Variants in CAPN3 observed in about 807,000 individuals in gnomAD.
The protein encoded by CAPN3 is calpain-3.
CAPN3 carries 88 observed loss-of-function variants against 114.0 expected under a neutral mutation model. That is an observed-to-expected ratio of 0.77 (90% confidence interval 0.65 to 0.92). CAPN3 has a LOEUF of 0.92. Among genes scored for constraint, CAPN3 ranks in the 40% least tolerant of loss-of-function variants. The pLI is 0.00. For synonymous variants in CAPN3, 386 were observed against 382.9 expected, an observed-to-expected ratio of 1.01 and a Z score of -0.09; for missense variants, 1,028 against 1,069.0, an observed-to-expected ratio of 0.96 and a Z score of 0.53.
At position 42,390,018 on chromosome 15, in the gene CAPN3, G is replaced by T. The variant is rs1201527622; in HGVS notation, c.867G>T (p.Arg289=). The T allele has an allele frequency of 1.2e-6, 2 of 1,614,134 alleles. No individual in the cohort carries two copies. The highest frequency in any genetic ancestry group is 1.3e-5 in the African/African-American group (1 of 75,018). Residue 289 remains arginine, a synonymous_variant, in exon 6 of 24, where the codon CGG becomes CGT. Coordinates refer to ENST00000397163, the MANE Select transcript of CAPN3 (RefSeq NM_000070.3). ...TGAACATGGGGGAGTTGATTGCACG[G>T]ATGGTAAGGAATATGGATAACTCAC... ...SGLNMGELIA[R]MVRNMDNSLL...
intron 15 of CAPN3, among the ~76,000 whole-genome samples, chr15:42,406,816 A>G (rs570610069): frequency 1.3e-5 from 2 of 151,786 alleles, no homozygotes; most frequent in East Asian, 1.9e-4. Context: ...TCAGACTGTG[A>G]CCTCCATTTG....
chr15:42,391,429 C>T (rs2053553533), intron 6 of CAPN3, among the ~76,000 whole-genome samples: 2 of 152,096 alleles, frequency 1.3e-5, no homozygotes, highest in African/African-American at 4.8e-5. Context: ...TAATGAGTCT[C>T]CCGCCCCCTC....
intron 3 of CAPN3, 75 bp from the exon 4 acceptor site, chr15:42,387,678 G>A: frequency 1.3e-6 from 2 of 1,563,490 alleles, no homozygotes; most frequent in Non-Finnish European, 8.8e-7. Flanking sequence ...AGAACCCCCT[G>A]AGGAATGTGG....
At chr15:42,407,854 C>G (rs1360305560) in intron 15 of CAPN3, among the ~76,000 whole-genome samples, 1 of 151,924 alleles carries the variant, frequency 6.6e-6, no homozygotes, top group Non-Finnish European at 1.5e-5. Flanking sequence ...TTATATACAC[C>G]ATGTTTCTGC....
intron 16 of CAPN3, 25 bp from the exon 17 acceptor site, chr15:42,409,278 C>T (rs1469993305): frequency 1.2e-6 from 2 of 1,612,564 alleles, no homozygotes; most frequent in Non-Finnish European, 1.7e-6. Flanking sequence ...CCCCTGTGAA[C>T]CAGTTTTCCT....
chr15:42,400,891 T>C (rs1210397361), intron 10 of CAPN3, among the ~76,000 whole-genome samples: 2 of 151,740 alleles, frequency 1.3e-5, no homozygotes, highest in Non-Finnish European at 2.9e-5. Flanking sequence ...AAAAAATATT[T>C]GAGGAATAAA....
In CAPN3 at chr15:42,388,834, A is replaced by T. The variant is rs565032615; in HGVS notation, c.633-94A>T. 237 of 974,832 alleles carry T rather than the reference A, an allele frequency of 2.4e-4. 1 individual carries two copies. The African/African-American group carries it at 3.2e-3, about 13-fold the overall frequency. 60.4% of individuals were successfully genotyped at this position (974,832 alleles called of 1,614,324 possible). ...TGTGGAATTGATGAAAGAACATCAC[A>T]GCATCCAAGAGGTAAAGTTCTGGTG... On this transcript the variant is annotated intron_variant, in intron 4 of 23. Transcript: ENST00000397163.
Position 42,392,733 on chromosome 15 carries a change from T to TGG in CAPN3, c.1029+14_1029+15dup, listed in dbSNP as rs1300703346. On this transcript the variant is annotated intron_variant, in intron 7 of 23. Transcript: ENST00000397163. Reference sequence around the variant, plus strand: ...ACGGGGCTGGATGAGGTAAGCCTGGTGGGGCTTGGTGGGGCAAGGGCACCC... The same window carrying TGG: ...ACGGGGCTGGATGAGGTAAGCCTGGTGGGGGGCTTGGTGGGGCAAGGGCACCC... 1 of 1,609,416 alleles carries TGG rather than the reference T, an allele frequency of 6.2e-7. No individual in the cohort carries two copies. Among genetic ancestry groups the TGG allele is most frequent in the Non-Finnish European group, 8.5e-7 (1 of 1,176,302 alleles).
chr15:42,361,809 A>AT (rs1485316619), intron 1 of CAPN3, among the ~76,000 whole-genome samples: 1 of 152,202 alleles, frequency 6.6e-6, no homozygotes, highest in Non-Finnish European at 1.5e-5. Flanking sequence ...GTGCTTGGAC[A>AT]TTTAGCTGCT....
At chr15:42,384,100 C>T (rs1284130855) in intron 1 of CAPN3, among the ~76,000 whole-genome samples, 1 of 151,998 alleles carries the variant, frequency 6.6e-6, no homozygotes, top group Non-Finnish European at 1.5e-5. Flanking sequence ...AGGAACACTA[C>T]ATAATGGAAC....
At chr15:42,406,192 T>C (rs2141211198) in intron 15 of CAPN3, among the ~76,000 whole-genome samples, 1 of 152,316 alleles carries the variant, frequency 6.6e-6, no homozygotes, top group East Asian at 1.9e-4. Flanking sequence ...AACAGCCCTA[T>C]GAGATTAGTA....
intron 1 of CAPN3, among the ~76,000 whole-genome samples, chr15:42,378,745 C>A (rs554893149): frequency 1.3e-5 from 2 of 151,896 alleles, no homozygotes; most frequent in East Asian, 3.9e-4. Context: ...ATTGATTTTT[C>A]TTTTCTTTCT....
chr15:42,359,549 C>T lies in CAPN3; in HGVS notation c.-257C>T. Reference sequence around the variant, plus strand: ...CATGCATGCTGCTGGTAGGAGACCCCCAAGTCAACATTGCTTCAGAAATCC... The same window carrying T: ...CATGCATGCTGCTGGTAGGAGACCCTCAAGTCAACATTGCTTCAGAAATCC... On this transcript the variant is annotated 5_prime_UTR_variant, in exon 1 of 24. Coordinates refer to ENST00000397163, the MANE Select transcript of CAPN3 (RefSeq NM_000070.3). The T allele has an allele frequency of 7.4e-7, 1 of 1,352,252 alleles. No individual in the cohort carries two copies. Among genetic ancestry groups the T allele is most frequent in the South Asian group, 1.7e-5 (1 of 60,266 alleles). 83.8% of individuals were successfully genotyped at this position (1,352,252 alleles called of 1,614,324 possible).
intron 16 of CAPN3, 97 bp from the exon 17 acceptor site, chr15:42,409,206 G>A (rs1039846215): frequency 1.9e-5 from 22 of 1,171,334 alleles, no homozygotes; most frequent in African/African-American, 4.5e-5. Context: ...ACCTCCGGCC[G>A]TTTTAGGCAC....
At position 42,403,710 on chromosome 15, in the gene CAPN3, C is replaced by CT. The variant is rs766066836; in HGVS notation, c.1746-30dup. 6 of 1,609,856 alleles carry CT rather than the reference C, an allele frequency of 3.7e-6. No individual in the cohort carries two copies. The African/African-American group carries it at 8.0e-5, about 22-fold the overall frequency. ...GGCCTCCTGCTTGCTTCTGGTGACA[C>CT]TGAGACCCCACATGTCTGTATTCCT... is the stretch of plus-strand genomic sequence containing the variant. On this transcript the variant is annotated intron_variant, in intron 13 of 23. Coordinates refer to ENST00000397163, the MANE Select transcript of CAPN3 (RefSeq NM_000070.3).
At chr15:42,408,849 GGCCCCTCTTCTGTCTGGGA>G (rs1166896368) in intron 16 of CAPN3, 43 of 278,344 alleles carry the variant, frequency 1.5e-4, no homozygotes, top group African/African-American at 7.1e-4. Context: ...TTCTATCCAG[GGCCCCTCTTCTGTCTGGGA>G]GCCCCTCTTC....
At chr15:42,396,453 G>A (rs2053693615) in intron 8 of CAPN3, among the ~76,000 whole-genome samples, 1 of 152,188 alleles carries the variant, frequency 6.6e-6, no homozygotes, top group Non-Finnish European at 1.5e-5. Context: ...TATTGGCCAG[G>A]CTGGTCTCGA....
In CAPN3 at chr15:42,410,671, T is replaced by C. The variant is rs531880086; in HGVS notation, c.2263+5T>C. ...GAAATGCAGTCAACGACGCAGGTGC[T>C]GAGAAGGAAGGGGTGGCAGGGATGT... On this transcript the variant is annotated splice_donor_5th_base_variant and intron_variant, in intron 21 of 23. Coordinates refer to ENST00000397163, the MANE Select transcript of CAPN3 (RefSeq NM_000070.3). 4 of 1,611,124 alleles carry C rather than the reference T, an allele frequency of 2.5e-6. No individual in the cohort carries two copies. Among genetic ancestry groups the C allele is most frequent in the African/African-American group, 1.3e-5 (1 of 74,428 alleles).
At chr15:42,398,356 G>C (rs991695228) in intron 9 of CAPN3, among the ~76,000 whole-genome samples, 1 of 151,886 alleles carries the variant, frequency 6.6e-6, no homozygotes, top group Admixed American at 6.6e-5. Context: ...AGGCTGAGGC[G>C]GGCAGATCAC....
Sources: gnomAD v4.1 joint callset for allele counts (sites outside exome capture counted in the v4.1 genomes callset) on GRCh38, gnomAD v4.1.1 for gene constraint, MANE v1.5 for transcripts, NCBI Gene and HGNC (gene_info 2026-07-23, HGNC 2026-07-21) for gene names.